The following ADARB2 variants were observed in gnomAD, a reference collection of about 807,000 sequenced individuals.
The protein encoded by ADARB2 is adenosine deaminase RNA specific B2 (inactive), also known as inactive double-stranded RNA-specific editase B2.
A neutral mutation model predicts 62.2 loss-of-function variants in ADARB2; 25 were observed. That is an observed-to-expected ratio of 0.40 (90% CI 0.29 to 0.56). The LOEUF (loss-of-function observed/expected upper bound fraction) is 0.56. Among genes scored for constraint, ADARB2 ranks in the 20% least tolerant of loss-of-function variants. ADARB2 has a pLI of 0.43. For missense variants in ADARB2, 1,071 were observed against 1,077.4 expected, an observed-to-expected ratio of 0.99 and a Z score of 0.08; for synonymous variants, 572 against 500.8, an observed-to-expected ratio of 1.14 and a Z score of -1.90.
intron 4 of ADARB2, among the ~76,000 whole-genome samples, chr10:1,251,407 TTGCCAGGGGATGAGGC>T (rs1305783991): frequency 1.3e-5 from 2 of 152,204 alleles, no homozygotes; most frequent in Non-Finnish European, 2.9e-5. Flanking sequence ...AGGTCAGTGG[TTGCCAGGGGATGAGGC>T]GGGGAAGGGA....
chr10:1,184,661 G>A lies in ADARB2; in HGVS notation c.2043+200C>T, dbSNP rs113697898. 5.0e-3 allele frequency among the ~76,000 whole-genome samples: 754 copies of A among 152,306 alleles called. 8 individuals carry two copies. Among genetic ancestry groups the A allele is most frequent in the African/African-American group, 0.016 (676 of 41,556 alleles). On this transcript the variant is annotated intron_variant, in intron 9 of 9. Transcript: ENST00000381312. ...TGCAGCTCCAGCCTGGTCTGGGGGC[G>A]GTGCCTGGGGTAGCAGGGTCTCAAG... is the stretch of plus-strand genomic sequence containing the variant.
chr10:1,387,152 T>A (rs1832532094), intron 1 of ADARB2, among the ~76,000 whole-genome samples: 1 of 151,922 alleles, frequency 6.6e-6, no homozygotes, highest in Admixed American at 6.6e-5. Context: ...AAGTTTATGC[T>A]TATATTAGAA....
chr10:1,651,716 C>T (rs1403655055), intron 1 of ADARB2, among the ~76,000 whole-genome samples: 1 of 151,862 alleles, frequency 6.6e-6, no homozygotes, highest in Non-Finnish European at 1.5e-5. Flanking sequence ...GAAGCGGGGC[C>T]TTACTGCCTG....
chr10:1,230,420 C>T (rs1046466845), intron 6 of ADARB2, among the ~76,000 whole-genome samples: 2 of 152,192 alleles, frequency 1.3e-5, no homozygotes, highest in African/African-American at 4.8e-5. Context: ...CCTTGGCTAG[C>T]CCTGGAGGAG....
At position 1,642,602 on chromosome 10, in the gene ADARB2, G is replaced by A. The variant is rs4880897; in HGVS notation, c.100+94449C>T. Among the ~76,000 whole-genome samples, 18 of 152,128 alleles carry A rather than the reference G, an allele frequency of 1.2e-4. No homozygotes were observed. In the South Asian group the frequency reaches 2.7e-3, roughly 23 times the overall value. On this transcript the variant is annotated intron_variant, in intron 1 of 9. Transcript: ENST00000381312. ...AAAATAAAAGCAAGATAAAGAAGGA[G>A]CTACTAGAGTTGACCTGCTACCAAT...
intron 1 of ADARB2, among the ~76,000 whole-genome samples, chr10:1,487,901 A>G (rs1254524001): frequency 1.3e-5 from 2 of 148,430 alleles, no homozygotes; most frequent in Non-Finnish European, 3.0e-5. Flanking sequence ...GGAGGAAGAA[A>G]AAAGGAAACA....
chr10:1,205,995 C>T (rs748226586), intron 7 of ADARB2, among the ~76,000 whole-genome samples: 5 of 149,310 alleles, frequency 3.3e-5, no homozygotes, highest in African/African-American at 1.0e-4. Flanking sequence ...CGGGGCAGCC[C>T]GCTGGGGTCA....
intron 1 of ADARB2, among the ~76,000 whole-genome samples, chr10:1,506,753 T>G (rs995073555): frequency 6.6e-6 from 1 of 152,202 alleles, no homozygotes; most frequent in Non-Finnish European, 1.5e-5. Context: ...GTCCCCCAAA[T>G]TCCTATGTTG....
chr10:1,661,548 C>T (rs906376735), intron 1 of ADARB2, among the ~76,000 whole-genome samples: 131 of 152,158 alleles, frequency 8.6e-4, no homozygotes, highest in South Asian at 2.1e-4. Context: ...GGGAGGGCCC[C>T]GGCAAGCACC....
At chr10:1,552,621 T>G (rs973307503) in intron 1 of ADARB2, among the ~76,000 whole-genome samples, 2 of 140,464 alleles carry the variant, frequency 1.4e-5, no homozygotes, top group Non-Finnish European at 3.0e-5. Context: ...AGCCTTTTTC[T>G]GGCCTGGTCC....
Position 1,184,844 on chromosome 10 carries a change from G to C in ADARB2, c.2043+17C>G. 6.2e-7 allele frequency: 1 copy of C among 1,607,606 alleles called. No homozygotes were observed. The highest frequency in any genetic ancestry group is 8.5e-7 in the Non-Finnish European group (1 of 1,176,110). ...CTGGCTGGGTCCAGTTTCCCTGCAA[G>C]GATGGGTGCGACCTACCCTGCCATA... On this transcript the variant is annotated intron_variant, in intron 9 of 9. Transcript: ENST00000381312.
At chr10:1,528,833 G>A (rs1053673956) in intron 1 of ADARB2, among the ~76,000 whole-genome samples, 1 of 152,198 alleles carries the variant, frequency 6.6e-6, no homozygotes, top group African/African-American at 2.4e-5. Flanking sequence ...TGTGGAATTG[G>A]GATTTTGAAA....
intron 1 of ADARB2, among the ~76,000 whole-genome samples, chr10:1,705,619 C>T (rs116582192): frequency 5.5e-4 from 84 of 152,288 alleles, no homozygotes; most frequent in African/African-American, 2.0e-3. Context: ...ACATAACTGT[C>T]CTGAAATGCA....
intron 1 of ADARB2, among the ~76,000 whole-genome samples, chr10:1,663,491 G>A (rs35403584): frequency 0.089 from 13,553 of 152,164 alleles, 670 homozygotes; most frequent in South Asian, 0.24. Flanking sequence ...TACTGTCCGC[G>A]TAGTTTCGCT....
At chr10:1,387,333 C>T (rs2131864082) in intron 1 of ADARB2, among the ~76,000 whole-genome samples, 1 of 151,672 alleles carries the variant, frequency 6.6e-6, no homozygotes, top group South Asian at 2.1e-4. Context: ...AAATTGGCTC[C>T]TTGAATAGGT....
intron 6 of ADARB2, among the ~76,000 whole-genome samples, chr10:1,226,792 C>G (rs779449504): frequency 6.6e-6 from 1 of 152,126 alleles, no homozygotes; most frequent in African/African-American, 2.4e-5. Context: ...GAGGAGTACC[C>G]GGCTGTGTGA....
At chr10:1,195,396 T>G (rs924546756) in intron 8 of ADARB2, among the ~76,000 whole-genome samples, 4 of 132,398 alleles carry the variant, frequency 3.0e-5, no homozygotes, top group South Asian at 2.4e-4. Flanking sequence ...ACAGTTTTTT[T>G]TTTGTTTTTT....
intron 1 of ADARB2, among the ~76,000 whole-genome samples, chr10:1,651,519 A>T (rs1336458335): frequency 6.6e-6 from 1 of 152,234 alleles, no homozygotes; most frequent in East Asian, 1.9e-4. Context: ...GCACGCCTAG[A>T]CAACCACACT....
intron 2 of ADARB2, among the ~76,000 whole-genome samples, chr10:1,367,155 C>T (rs1234608599): frequency 1.3e-5 from 2 of 152,172 alleles, no homozygotes; most frequent in African/African-American, 4.8e-5. Flanking sequence ...GGTATCCTGA[C>T]ATTGGAGAAT....
Sources: gnomAD v4.1 joint callset for allele counts (sites outside exome capture counted in the v4.1 genomes callset) on GRCh38, gnomAD v4.1.1 for gene constraint, MANE v1.5 for transcripts, NCBI Gene and HGNC (gene_info 2026-07-23, HGNC 2026-07-21) for gene names.